The following HEMK1 variants were observed in gnomAD, a reference collection of about 807,000 sequenced individuals.
The protein encoded by HEMK1 is HemK methyltransferase 1, mitochondrial release factors N(5)-glutamine.
Under a neutral mutation model 47.9 loss-of-function variants are expected in HEMK1, and 36 were observed. That is an observed-to-expected ratio of 0.75 (90% CI 0.58 to 0.99). HEMK1 has a LOEUF of 0.99. Among genes scored for constraint, HEMK1 ranks in the 50% least tolerant of loss-of-function variants. The probability of loss-of-function intolerance (pLI) is 0.00; values close to 1 mark genes in which losing one functional copy is unlikely to be tolerated. For synonymous variants in HEMK1, 153 were observed against 165.4 expected (o/e 0.93, Z 0.57); for missense variants, 383 against 434.5 (o/e 0.88, Z 1.05).
rs2232248 is a variant in HEMK1 at position 50,572,193 on chromosome 3, T to G, written c.399T>G (p.Pro133=). The change falls in exon 4 of 11, where the codon CCT becomes CCG. Residue 133 remains proline, a synonymous_variant. Transcript: ENST00000232854. ...SLRMVPPVFI[P]RPETEELVEW... ...GGATGGTGCCCCCAGTGTTTATTCC[T>G]CGGCCAGAAACAGAGGTAGGTGTGC... The G allele has an allele frequency of 0.84, 1,351,773 of 1,612,806 alleles. 571,336 individuals carry two copies. Among genetic ancestry groups the G allele is most frequent in the Middle Eastern group, 0.9 (5,446 of 6,060 alleles).
chr3:50,578,814 A>G lies in HEMK1; in HGVS notation c.665-7A>G, dbSNP rs1480785768. ...TCCCTACTGTGTGTCCTCTTCTTTG[A>G]CGACAGAAAGGAGCTGGACACACCT... On this transcript the variant is annotated splice_polypyrimidine_tract_variant and splice_region_variant and intron_variant, in intron 7 of 10. Transcript: ENST00000232854. 2 of 1,602,528 alleles carry G rather than the reference A, an allele frequency of 1.2e-6. No homozygotes were observed. The highest frequency in any genetic ancestry group is 1.7e-6 in the Non-Finnish European group (2 of 1,171,028).
chr3:50,577,096 T>C lies in HEMK1; in HGVS notation c.459T>C (p.His153=). 1 of 1,613,936 alleles carries C rather than the reference T, an allele frequency of 6.2e-7. No homozygotes were observed. Among genetic ancestry groups the C allele is most frequent in the Non-Finnish European group, 8.5e-7 (1 of 1,179,928 alleles). ...WVLEEVAQRS[H]AVGSPGSPLI... is the part of the protein sequence containing the mutation. ...TGGAAGAGGTGGCCCAGAGGTCCCATGCTGTGGGATCCCCAGGCAGCCCCC... is the reference window on the plus strand; with the variant it reads ...TGGAAGAGGTGGCCCAGAGGTCCCACGCTGTGGGATCCCCAGGCAGCCCCC... Residue 153 remains histidine, a synonymous_variant, in exon 5 of 11, where the codon CAT becomes CAC. Coordinates refer to ENST00000232854, the MANE Select transcript of HEMK1 (RefSeq NM_016173.5).
In HEMK1 at chr3:50,577,813, C is replaced by T. The variant is rs2029951427; in HGVS notation, c.615-13C>T. 6.2e-7 allele frequency: 1 copy of T among 1,613,946 alleles called. No individual in the cohort carries two copies. Among genetic ancestry groups the T allele is most frequent in the Non-Finnish European group, 8.5e-7 (1 of 1,179,936 alleles). ...CTGCCCCCGTGCCTACCCCTTTCTC[C>T]CTGTCTGTGTAGGCTTCGGTTGCAG... On this transcript the variant is annotated splice_polypyrimidine_tract_variant and intron_variant, in intron 6 of 10. Coordinates refer to ENST00000232854, the MANE Select transcript of HEMK1 (RefSeq NM_016173.5).
chr3:50,570,791 T>G, intron 1 of HEMK1, 140 bp from the exon 2 acceptor site: 1 of 260,674 alleles, frequency 3.8e-6, no homozygotes, highest in Non-Finnish European at 7.3e-6. Flanking sequence ...AAGACAAGAA[T>G]GATCAAATAG....
intron 3 of HEMK1, 38 bp from the exon 4 acceptor site, chr3:50,572,077 C>T (rs1428737160): frequency 6.2e-7 from 1 of 1,612,252 alleles, no homozygotes; most frequent in Non-Finnish European, 8.5e-7. Context: ...TTGGTCCTAG[C>T]TCTGTCCCTG....
chr3:50,577,405 C>T, intron 5 of HEMK1, 104 bp from the exon 6 acceptor site: 1 of 1,251,174 alleles, frequency 8.0e-7, no homozygotes, highest in Non-Finnish European at 1.2e-6. Context: ...TGGGTATTTC[C>T]CTTCTCTTCT....
chr3:50,573,530 A>G (rs1441101182), intron 4 of HEMK1, among the ~76,000 whole-genome samples: 3 of 152,166 alleles, frequency 2.0e-5, no homozygotes, highest in Admixed American at 6.5e-5. Context: ...TTTGGCTCCC[A>G]TGTGGCCCCC....
In HEMK1 at chr3:50,585,370, T is replaced by C. The variant is rs1209960390; in HGVS notation, c.*4953T>C. ...GGCCCCTCCATGTAAGCCATAGGCC[T>C]GAGCAGAGCTGTGTCACCATTCTGT... On this transcript the variant is annotated 3_prime_UTR_variant, in exon 11 of 11. Coordinates refer to ENST00000232854, the MANE Select transcript of HEMK1 (RefSeq NM_016173.5). 1 of 152,288 alleles carries C rather than the reference T, an allele frequency of 6.6e-6. No homozygotes were observed. The highest frequency in any genetic ancestry group is 2.4e-5 in the African/African-American group (1 of 41,466). 9.4% of individuals were successfully genotyped at this position (152,288 alleles called of 1,614,324 possible). A position where few individuals can be genotyped will look rare whatever the true frequency, so the allele number is the denominator to read the frequency against.
At chr3:50,575,593 T>C (rs1575925858) in intron 4 of HEMK1, among the ~76,000 whole-genome samples, 1 of 152,118 alleles carries the variant, frequency 6.6e-6, no homozygotes, top group East Asian at 1.9e-4. Context: ...AGGCTCAGGG[T>C]GGAGAAAGCC....
At chr3:50,575,731 G>T (rs1701520055) in intron 4 of HEMK1, among the ~76,000 whole-genome samples, 1 of 152,176 alleles carries the variant, frequency 6.6e-6, no homozygotes, top group Non-Finnish European at 1.5e-5. Flanking sequence ...TGAGACCTGG[G>T]GTCCCAGGAG....
rs2031942189 is a variant in HEMK1 at position 50,595,742 on chromosome 3, G to T, written c.*15325G>T. The T allele has an allele frequency of 6.6e-6, 1 of 152,142 alleles. No homozygotes were observed. Among genetic ancestry groups the T allele is most frequent in the Admixed American group, 6.5e-5 (1 of 15,284 alleles). 9.4% of individuals were successfully genotyped at this position (152,142 alleles called of 1,614,324 possible). On this transcript the variant is annotated 3_prime_UTR_variant, in exon 11 of 11. Coordinates refer to ENST00000232854, the MANE Select transcript of HEMK1 (RefSeq NM_016173.5). Reference sequence around the variant, plus strand: ...TTCCCAAATAATCTATTTGCATTTGGATGCTTGTCTCAGAGTGGTTTCTGC... The same window carrying T: ...TTCCCAAATAATCTATTTGCATTTGTATGCTTGTCTCAGAGTGGTTTCTGC...
At chr3:50,577,907 GA>G in intron 7 of HEMK1, 32 bp downstream of exon 7, 2 of 1,604,742 alleles carry the variant, frequency 1.2e-6, no homozygotes, top group African/African-American at 2.7e-5. Flanking sequence ...TTGAGAGAGG[GA>G]GACTAGATGC....
At chr3:50,579,003 A>T (rs1167579994) in intron 8 of HEMK1, 77 bp downstream of exon 8, 1 of 1,062,848 alleles carries the variant, frequency 9.4e-7, no homozygotes. Context: ...GGACCACACC[A>T]TCTGGAGGGA....
chr3:50,580,499 C>T lies in HEMK1; in HGVS notation c.*82C>T. ...GATGGCACTTTCCAGAGCCCAGGTTCTTATGGCATTTCCCAGGGTTCTGTG... is the reference window on the plus strand; with the variant it reads ...GATGGCACTTTCCAGAGCCCAGGTTTTTATGGCATTTCCCAGGGTTCTGTG... On this transcript the variant is annotated 3_prime_UTR_variant, in exon 11 of 11. Coordinates refer to ENST00000232854, the MANE Select transcript of HEMK1 (RefSeq NM_016173.5). The T allele has an allele frequency of 7.3e-7, 1 of 1,367,978 alleles. No individual in the cohort carries two copies. Among genetic ancestry groups the T allele is most frequent in the Non-Finnish European group, 1.0e-6 (1 of 965,348 alleles). 84.7% of individuals were successfully genotyped at this position (1,367,978 alleles called of 1,614,324 possible). A position where few individuals can be genotyped will look rare whatever the true frequency, so the allele number is the denominator to read the frequency against.
chr3:50,590,480 C>G lies in HEMK1; in HGVS notation c.*10063C>G, dbSNP rs759760852. On this transcript the variant is annotated 3_prime_UTR_variant, in exon 11 of 11. Transcript: ENST00000232854. ...CTGAGGCAGGAGAATCGCTTGAACC[C>G]GGAAGGCGGAGGTTGCAGTGAGCTG... 1.3e-5 allele frequency: 2 copies of G among 151,956 alleles called. No homozygotes were observed. Among genetic ancestry groups the G allele is most frequent in the Non-Finnish European group, 2.9e-5 (2 of 68,114 alleles). The allele number at this position is 151,956 out of a possible 1,614,324, so 9.4% of individuals were successfully genotyped here. A position where few individuals can be genotyped will look rare whatever the true frequency, so the allele number is the denominator to read the frequency against.
rs1344196991 is a variant in HEMK1, at chr3:50,588,340, C to G, written c.*7923C>G. The G allele has an allele frequency of 2.6e-5, 4 of 152,220 alleles. No homozygotes were observed. The highest frequency in any genetic ancestry group is 5.9e-5 in the Non-Finnish European group (4 of 68,050). 9.4% of individuals were successfully genotyped at this position (152,220 alleles called of 1,614,324 possible). A position where few individuals can be genotyped will look rare whatever the true frequency, so the allele number is the denominator to read the frequency against. Reference sequence around the variant, plus strand: ...CTTAACATGCCCAAGGTCACACAGCCAGCAGCTGGCCATGCTGGAGTTTGA... The same window carrying G: ...CTTAACATGCCCAAGGTCACACAGCGAGCAGCTGGCCATGCTGGAGTTTGA... On this transcript the variant is annotated 3_prime_UTR_variant, in exon 11 of 11. Transcript: ENST00000232854.
At position 50,571,714 on chromosome 3, in the gene HEMK1, A is replaced by G. The variant is rs777454536; in HGVS notation, c.233A>G (p.Gln78Arg). Residue 78 changes from glutamine (Q) to arginine (R), a missense_variant, in exon 3 of 11, where the codon CAG (glutamine) becomes CGG (arginine). Coordinates refer to ENST00000232854, the MANE Select transcript of HEMK1 (RefSeq NM_016173.5). ...VAHVLGAKTF[Q>R]SLRPALWTQP... Reference sequence around the variant, plus strand: ...TTATATTCTCTGTGGGGACAGTTTCAGAGCCTGAGGCCGGCACTTTGGACC... The same window carrying G: ...TTATATTCTCTGTGGGGACAGTTTCGGAGCCTGAGGCCGGCACTTTGGACC... The G allele has an allele frequency of 1.1e-5, 17 of 1,614,170 alleles. No individual in the cohort carries two copies. The East Asian group carries it at 3.8e-4, about 36-fold the overall frequency.
chr3:50,577,861 T>C lies in HEMK1; in HGVS notation c.650T>C (p.Leu217Pro). ...CAGGACAGGATTTGGATCATCCACCTCGACATGACCTCAGGTACCCTCCCC... is the reference window on the plus strand; with the variant it reads ...CAGGACAGGATTTGGATCATCCACCCCGACATGACCTCAGGTACCCTCCCC... ...RLQDRIWIIHLDMTSERSWTH... is the reference protein window; with the variant it reads ...RLQDRIWIIHPDMTSERSWTH... Residue 217 changes from leucine to proline, a missense_variant, in exon 7 of 11, where the codon CTC becomes CCC. By Grantham distance (98) the Leu-to-Pro change is moderately conservative. Transcript: ENST00000232854. The C allele has an allele frequency of 6.2e-7, 1 of 1,614,086 alleles. No homozygotes were observed. Among genetic ancestry groups the C allele is most frequent in the Non-Finnish European group, 8.5e-7 (1 of 1,179,998 alleles).
chr3:50,580,425 G>A lies in HEMK1; in HGVS notation c.*8G>A, dbSNP rs768862532. 1.2e-6 allele frequency: 2 copies of A among 1,613,962 alleles called. No homozygotes were observed. The highest frequency in any genetic ancestry group is 1.3e-5 in the African/African-American group (1 of 74,924). On this transcript the variant is annotated 3_prime_UTR_variant, in exon 11 of 11. Transcript: ENST00000232854. Reference sequence around the variant, plus strand: ...CGGAGGTCTGGGCCATAGCATGGCTGCCCTGTGGATGCCTTGTCAGTGCCG... The same window carrying A: ...CGGAGGTCTGGGCCATAGCATGGCTACCCTGTGGATGCCTTGTCAGTGCCG...
Sources: allele counts gnomAD v4.1 joint callset (sites outside exome capture counted in the v4.1 genomes callset), GRCh38; gene constraint gnomAD v4.1.1; transcripts MANE v1.5; gene names NCBI Gene and HGNC (gene_info 2026-07-23, HGNC 2026-07-21).